The following CEACAM20 variants were observed in gnomAD, a reference collection of about 807,000 sequenced individuals.
The protein encoded by CEACAM20 is cell adhesion molecule CEACAM20.
Under a neutral mutation model 61.2 loss-of-function variants are expected in CEACAM20, and 50 were observed. The observed-to-expected ratio is 0.82, with a 90% CI of 0.65 to 1.03. The LOEUF is 1.03. Ranked by LOEUF, CEACAM20 falls within the 50% of genes least tolerant of loss-of-function variation. The probability of loss-of-function intolerance (pLI) is 0.00; values close to 1 mark genes in which losing one functional copy is unlikely to be tolerated. For missense variants in CEACAM20, 683 were observed against 736.4 expected (o/e 0.93, Z 0.84); for synonymous variants, 282 against 287.7 (o/e 0.98, Z 0.20).
At position 44,523,955 on chromosome 19, in the gene CEACAM20, G is replaced by A. The variant is rs190496214; in HGVS notation, c.472+31C>T. The A allele has an allele frequency of 1.6e-4, 243 of 1,531,828 alleles. 1 individual carries two copies. In the African/African-American group the frequency reaches 1.9e-3, roughly 12 times the overall value. 94.9% of individuals were successfully genotyped at this position (1,531,828 alleles called of 1,614,324 possible). A position where few individuals can be genotyped will look rare whatever the true frequency, so the allele number is the denominator to read the frequency against. ...AGGCACTAAGCAAGTGAGTGTCAGTGAGGGGTTGGAGAGAATGGAAAGGGA... is the reference window on the plus strand; with the variant it reads ...AGGCACTAAGCAAGTGAGTGTCAGTAAGGGGTTGGAGAGAATGGAAAGGGA... On this transcript the variant is annotated intron_variant, in intron 3 of 11. Coordinates refer to ENST00000614924, the MANE Select transcript of CEACAM20 (RefSeq NM_001102597.3).
chr19:44,513,188 T>G lies in CEACAM20; in HGVS notation c.1411A>C (p.Ile471Leu), dbSNP rs766990559. Residue 471 changes from isoleucine (I) to leucine (L), a missense_variant, in exon 7 of 12, where the codon ATC becomes CTC. By Grantham distance (5) the Ile-to-Leu change is conservative (BLOSUM62 2). Coordinates refer to ENST00000614924, the MANE Select transcript of CEACAM20 (RefSeq NM_001102597.3). Reference protein sequence around the residue: ...VASELGYFLCIRNARRPSRKT... With the variant: ...VASELGYFLCLRNARRPSRKT... ...CTGTGTTACCGTCTGGCATTTCTGA[T>G]GCAGAGAAAATAGCCCAGTTCTGAG... The G allele has an allele frequency of 8.1e-5, 130 of 1,612,318 alleles. No individual in the cohort carries two copies. The highest frequency in any genetic ancestry group is 1.1e-4 in the Non-Finnish European group (126 of 1,178,538).
intron 1 of CEACAM20, among the ~76,000 whole-genome samples, chr19:44,527,760 A>T (rs572400283): frequency 6.6e-6 from 1 of 152,346 alleles, no homozygotes; most frequent in East Asian, 1.9e-4. Flanking sequence ...AGAGAAGGAG[A>T]AGCTGGTCTC....
At chr19:44,525,027 T>C (rs1971484483) in intron 2 of CEACAM20, 74 bp downstream of exon 2, 2 of 1,571,024 alleles carry the variant, frequency 1.3e-6, no homozygotes, top group African/African-American at 1.4e-5. Context: ...CTGGGGACTT[T>C]GGGCGTGAGG....
chr19:44,517,252 C>G (rs1971192980), intron 5 of CEACAM20, 28 bp from the exon 6 acceptor site: 2 of 1,592,152 alleles, frequency 1.3e-6, no homozygotes, highest in Non-Finnish European at 1.7e-6. Flanking sequence ...CGTGATGCAC[C>G]CTGGCCCCCA....
rs546432549 is a variant in CEACAM20 at position 44,515,109 on chromosome 19, A to C, written c.1310-1820T>G. On this transcript the variant is annotated intron_variant, in intron 6 of 11. Transcript: ENST00000614924. ...TGCCTCAACCTCCCAAAGTGCTGGG[A>C]TTACAGACTTGAGCCACAGTGCCCG... is the stretch of plus-strand genomic sequence containing the variant. Among the ~76,000 whole-genome samples, 211 of 152,276 alleles carry C rather than the reference A, an allele frequency of 1.4e-3. 1 individual carries two copies. The highest frequency in any genetic ancestry group is 2.3e-3 in the Non-Finnish European group (158 of 68,024).
In CEACAM20 at chr19:44,522,851, C is replaced by T; in HGVS notation, c.534G>A (p.Glu178=). 6.2e-7 allele frequency: 1 copy of T among 1,610,542 alleles called. No homozygotes were observed. Among genetic ancestry groups the T allele is most frequent in the Non-Finnish European group, 8.5e-7 (1 of 1,178,636 alleles). Reference sequence around the variant, plus strand: ...AGGTCATGCTGGAGCCCTCCATCACCTCAACCACCTCCCCACTGGCAACAC... The same window carrying T: ...AGGTCATGCTGGAGCCCTCCATCACTTCAACCACCTCCCCACTGGCAACAC... ...ESGVASGEVV[E]VMEGSSMTFL... Residue 178 remains glutamate, a synonymous_variant, in exon 4 of 12, where the codon GAG becomes GAA. Coordinates refer to ENST00000614924, the MANE Select transcript of CEACAM20 (RefSeq NM_001102597.3).
At chr19:44,524,961 A>T in intron 2 of CEACAM20, 140 bp downstream of exon 2, 1 of 1,080,100 alleles carries the variant, frequency 9.3e-7, no homozygotes, top group Non-Finnish European at 1.3e-6. Context: ...GACCCCTGGC[A>T]CAGCTGACTG....
At chr19:44,517,576 A>T (rs1055776193) in intron 5 of CEACAM20, among the ~76,000 whole-genome samples, 1 of 151,962 alleles carries the variant, frequency 6.6e-6, no homozygotes, top group African/African-American at 2.4e-5. Context: ...ACGCACCTGT[A>T]GTCCCAGCTA....
chr19:44,529,325 TCTCTGCCTCCA>T, intron 1 of CEACAM20, 122 bp downstream of exon 1: 2 of 781,824 alleles, frequency 2.6e-6, no homozygotes, highest in Admixed American at 2.3e-5. Flanking sequence ...CTATTTTTTT[TCTCTGCCTCCA>T]TCTCTTTTTC....
intron 9 of CEACAM20, among the ~76,000 whole-genome samples, 168 bp from the exon 10 acceptor site, chr19:44,511,840 G>A (rs1167903890): frequency 1.3e-5 from 2 of 152,198 alleles, no homozygotes; most frequent in African/African-American, 4.8e-5. Context: ...GAGGAGAAGA[G>A]ATGAAAAAAC....
intron 4 of CEACAM20, 31 bp downstream of exon 4, chr19:44,522,603 T>C (rs766862633): frequency 3.7e-6 from 6 of 1,602,354 alleles, no homozygotes; most frequent in Non-Finnish European, 5.1e-6. Flanking sequence ...CTCAGAAGAA[T>C]GAAGGAGAGG....
intron 4 of CEACAM20, 99 bp downstream of exon 4, chr19:44,522,535 A>G: frequency 7.7e-7 from 1 of 1,305,114 alleles, no homozygotes; most frequent in African/African-American, 1.5e-5. Context: ...CTCACACAGT[A>G]TCCAAAGGCC....
At chr19:44,506,941 T>C (rs1568444035) in intron 11 of CEACAM20, among the ~76,000 whole-genome samples, 1 of 152,238 alleles carries the variant, frequency 6.6e-6, no homozygotes, top group South Asian at 2.1e-4. Flanking sequence ...CTGATAACTC[T>C]ACACCCTCTT....
At chr19:44,524,862 T>G (rs1207699073) in intron 2 of CEACAM20, among the ~76,000 whole-genome samples, 1 of 151,398 alleles carries the variant, frequency 6.6e-6, no homozygotes, top group African/African-American at 2.4e-5. Context: ...ATGGCAGGTG[T>G]AAGGAACTGC....
At chr19:44,510,813 T>C (rs973814099) in intron 11 of CEACAM20, among the ~76,000 whole-genome samples, 4 of 151,494 alleles carry the variant, frequency 2.6e-5, no homozygotes, top group African/African-American at 9.7e-5. Flanking sequence ...TTGGGTGGAG[T>C]GAAACATGGA....
chr19:44,512,162 A>C, intron 8 of CEACAM20, 84 bp from the exon 9 acceptor site: 3 of 1,005,864 alleles, frequency 3.0e-6, no homozygotes, highest in Non-Finnish European at 4.6e-6. Context: ...CCCTGACCCC[A>C]GGAAGGAAGT....
chr19:44,526,943 C>T (rs1403487333), intron 1 of CEACAM20, among the ~76,000 whole-genome samples: 8 of 152,138 alleles, frequency 5.3e-5, no homozygotes, highest in South Asian at 2.1e-4. Flanking sequence ...GCTGTGCTCA[C>T]ACGCAACTGA....
At chr19:44,520,859 T>C (rs1971343524) in intron 4 of CEACAM20, 107 bp from the exon 5 acceptor site, 3 of 1,065,306 alleles carry the variant, frequency 2.8e-6, no homozygotes, top group East Asian at 4.7e-5. Flanking sequence ...TGTGTGTGTG[T>C]GTGTGTGTGT....
At chr19:44,519,522 T>A (rs1971289476) in intron 5 of CEACAM20, among the ~76,000 whole-genome samples, 1 of 152,146 alleles carries the variant, frequency 6.6e-6, no homozygotes, top group Non-Finnish European at 1.5e-5. Context: ...TGCAGAAACC[T>A]CTTCTCCCCC....
Sources: allele counts gnomAD v4.1 joint callset (sites outside exome capture counted in the v4.1 genomes callset), GRCh38; gene constraint gnomAD v4.1.1; transcripts MANE v1.5; gene names NCBI Gene and HGNC (gene_info 2026-07-23, HGNC 2026-07-21).